SORCS2: variants seen among roughly 807,000 people sequenced by gnomAD.
SORCS2 encodes sortilin related VPS10 domain containing receptor 2.
SORCS2 carries 100 observed loss-of-function variants against 141.6 expected under a neutral mutation model. The observed-to-expected ratio is 0.71, with a 90% CI of 0.60 to 0.83. The LOEUF (loss-of-function observed/expected upper bound fraction) is 0.83. Ranked by LOEUF, SORCS2 falls within the 40% of genes least tolerant of loss-of-function variation. SORCS2 has a pLI of 0.00. For missense variants in SORCS2, 1,646 were observed against 1,560.2 expected, an observed-to-expected ratio of 1.05 and a Z score of -0.93; for synonymous variants, 789 against 676.9, an observed-to-expected ratio of 1.17 and a Z score of -2.57.
chr4:7,524,595 T>C (rs901602371), intron 2 of SORCS2, among the ~76,000 whole-genome samples: 40 of 151,974 alleles, frequency 2.6e-4, no homozygotes, highest in Admixed American at 2.0e-3. Flanking sequence ...GTTTTTTTTT[T>C]TTCATGTTCT....
chr4:7,554,096 C>A (rs1331260982), intron 3 of SORCS2, among the ~76,000 whole-genome samples: 1 of 41,274 alleles, frequency 2.4e-5, no homozygotes, highest in African/African-American at 6.7e-5. Flanking sequence ...AATGCAAGGC[C>A]AAAAAATCAT....
intron 2 of SORCS2, among the ~76,000 whole-genome samples, chr4:7,446,791 C>T (rs553580921): frequency 3.5e-4 from 53 of 152,322 alleles, no homozygotes; most frequent in African/African-American, 1.2e-3. Context: ...CGTGCAGTGT[C>T]GTGGGGAAAC....
rs188639725 is a variant in SORCS2 at position 7,654,307 on chromosome 4, C to T, written c.887+100C>T. 609 of 1,212,928 alleles carry T rather than the reference C, an allele frequency of 5.0e-4. 1 individual carries two copies. Among genetic ancestry groups the T allele is most frequent in the Non-Finnish European group, 6.1e-4 (515 of 851,088 alleles). 75.1% of individuals were successfully genotyped at this position (1,212,928 alleles called of 1,614,324 possible). On this transcript the variant is annotated intron_variant, in intron 5 of 26. Transcript: ENST00000507866. Reference sequence around the variant, plus strand: ...GCCCATCCCTGCAGCTCCCTTTCCTCCTCTGGACCCTCCCCATCCCGGGGC... The same window carrying T: ...GCCCATCCCTGCAGCTCCCTTTCCTTCTCTGGACCCTCCCCATCCCGGGGC...
intron 8 of SORCS2, among the ~76,000 whole-genome samples, chr4:7,668,866 G>A (rs1722646314): frequency 2.6e-5 from 4 of 151,950 alleles, no homozygotes; most frequent in Admixed American, 2.0e-4. Flanking sequence ...TAGGGGAGAG[G>A]AAAGTGCACA....
rs1454772090 is a variant in SORCS2 at position 7,733,343 on chromosome 4, G to A, written c.3130G>A (p.Val1044Met). The change falls in exon 24 of 27, where the codon GTG (valine) becomes ATG (methionine). Residue 1044 changes from valine to methionine, a missense_variant. Transcript: ENST00000507866. ...GCAGAGGCTCGCCGCCATCCAGCAG[G>A]TGCTGAACGCACAGAAGATCAGCTT... ...SDKRLAAIQQ[V>M]LNAQKISFLL... The A allele has an allele frequency of 1.9e-6, 3 of 1,563,472 alleles. No homozygotes were observed. Among genetic ancestry groups the A allele is most frequent in the South Asian group, 1.2e-5 (1 of 84,330 alleles).
In SORCS2 at chr4:7,740,374, C is replaced by T. The variant is rs927193208; in HGVS notation, c.*110C>T. On this transcript the variant is annotated 3_prime_UTR_variant, in exon 27 of 27. Transcript: ENST00000507866. The stretch of plus-strand genomic sequence containing the variant: ...CCTGCGGAAAGCCCCCTCCCTGAGT[C>T]GTCGCCACACCAGGCGACAGGCACC... 6.6e-5 allele frequency: 65 copies of T among 979,682 alleles called. No homozygotes were observed. Among genetic ancestry groups the T allele is most frequent in the African/African-American group, 5.6e-4 (35 of 62,008 alleles). 60.7% of individuals were successfully genotyped at this position (979,682 alleles called of 1,614,324 possible). A position where few individuals can be genotyped will look rare whatever the true frequency, so the allele number is the denominator to read the frequency against.
rs1201775745 is a variant in SORCS2 at position 7,192,935 on chromosome 4, AGTCCCGGTCCCGCTCCTG to A, written c.297_314del (p.Pro100_Gly105del). ...CACGGAGCCAGGCGCCCCGGGTCCG[AGTCCCGGTCCCGCTCCTG>A]GTCCCGGCGAGGACGGCGCCCCCGC... is the stretch of plus-strand genomic sequence containing the variant. On this transcript the variant is annotated inframe_deletion, in exon 1 of 27. Transcript: ENST00000507866. This position sits in a 1 kb window ranked among gnomAD's most constrained non-coding sequence, Gnocchi z 4.0. 7.8e-7 allele frequency: 1 copy of A among 1,275,530 alleles called. No homozygotes were observed. The highest frequency in any genetic ancestry group is 1.6e-5 in the African/African-American group (1 of 63,588). 79.0% of individuals were successfully genotyped at this position (1,275,530 alleles called of 1,614,324 possible). A position where few individuals can be genotyped will look rare whatever the true frequency, so the allele number is the denominator to read the frequency against.
At chr4:7,671,608 C>T (rs1036065131) in intron 8 of SORCS2, among the ~76,000 whole-genome samples, 3 of 152,008 alleles carry the variant, frequency 2.0e-5, no homozygotes, top group Admixed American at 6.6e-5. Context: ...AATTGAAAGG[C>T]AGAAGAAGGA....
intron 3 of SORCS2, among the ~76,000 whole-genome samples, chr4:7,601,196 A>G (rs1486030580): frequency 6.6e-6 from 1 of 152,200 alleles, no homozygotes; most frequent in Non-Finnish European, 1.5e-5. Context: ...TTCCTCTTAA[A>G]TAATGCAAAG....
intron 3 of SORCS2, among the ~76,000 whole-genome samples, chr4:7,577,914 A>G (rs1458880933): frequency 2.0e-5 from 3 of 149,880 alleles, no homozygotes; most frequent in Non-Finnish European, 4.4e-5. Flanking sequence ...ATACAGGCGA[A>G]GTCAGCTAGT....
chr4:7,223,069 T>C (rs748105621), intron 1 of SORCS2, among the ~76,000 whole-genome samples: 4 of 152,174 alleles, frequency 2.6e-5, no homozygotes, highest in Non-Finnish European at 4.4e-5. Flanking sequence ...AAGATTTGTA[T>C]TGTATTAAAA....
At chr4:7,228,292 T>C (rs924724666) in intron 1 of SORCS2, among the ~76,000 whole-genome samples, 1 of 147,496 alleles carries the variant, frequency 6.8e-6, no homozygotes, top group Non-Finnish European at 1.5e-5. Context: ...TTAAAGGTCC[T>C]GTCTCCAAAT....
Position 7,363,164 on chromosome 4 carries a change from T to C in SORCS2, c.481-33124T>C, listed in dbSNP as rs572876486. 6.9e-4 allele frequency among the ~76,000 whole-genome samples: 96 copies of C among 138,630 alleles called. 1 individual carries two copies. The highest frequency in any genetic ancestry group is 2.3e-3 in the African/African-American group (82 of 36,294). The allele number at this position is 138,630 out of a possible 152,430, so 90.9% of individuals were successfully genotyped here. On this transcript the variant is annotated intron_variant, in intron 1 of 26. Transcript: ENST00000507866. ...TCACCATCAACACTGCCACCACCAC[T>C]ACCACCATTACTACCCTCATCACCA...
At chr4:7,433,252 G>C in intron 2 of SORCS2, 1 of 1,316,746 alleles carries the variant, frequency 7.6e-7, no homozygotes, top group Non-Finnish European at 9.7e-7. Context: ...GTGAAATGGG[G>C]ATGGGGAAAG....
intron 1 of SORCS2, among the ~76,000 whole-genome samples, chr4:7,357,037 C>T (rs1031814247): frequency 6.6e-6 from 1 of 152,206 alleles, no homozygotes; most frequent in Non-Finnish European, 1.5e-5. Flanking sequence ...CGGTGGGCTG[C>T]AGGGAGGGGC....
intron 2 of SORCS2, among the ~76,000 whole-genome samples, chr4:7,449,864 G>A (rs1728329753): frequency 5.3e-5 from 8 of 152,198 alleles, no homozygotes; most frequent in Admixed American, 5.2e-4. Context: ...CTCCCAGAGA[G>A]GTTCATGAGG....
At position 7,456,483 on chromosome 4, in the gene SORCS2, G is replaced by A. The variant is rs547240165; in HGVS notation, c.548+60128G>A. ...CCCATAAGCCTGAAGGGTGAGAGGG[G>A]GGGGGCCTCCTTTTGAGGACAGAAA... On this transcript the variant is annotated intron_variant, in intron 2 of 26. Coordinates refer to ENST00000507866, the MANE Select transcript of SORCS2 (RefSeq NM_020777.3). Among the ~76,000 whole-genome samples, 11 of 152,202 alleles carry A rather than the reference G, an allele frequency of 7.2e-5. No homozygotes were observed. In the South Asian group the frequency reaches 2.1e-3, roughly 29 times the overall value.
At chr4:7,636,758 C>T (rs967203710) in intron 3 of SORCS2, among the ~76,000 whole-genome samples, 3 of 152,162 alleles carry the variant, frequency 2.0e-5, no homozygotes, top group Middle Eastern at 6.8e-3. Flanking sequence ...CCGAATAACA[C>T]GATTCCCGGT....
intron 1 of SORCS2, among the ~76,000 whole-genome samples, chr4:7,265,092 C>T (rs182161089): frequency 2.3e-3 from 346 of 152,326 alleles, no homozygotes; most frequent in African/African-American, 7.6e-3. Context: ...CTGCTCCATT[C>T]GGGGGTGTGT....
Sources: gnomAD v4.1 joint callset for allele counts (sites outside exome capture counted in the v4.1 genomes callset) on GRCh38, gnomAD v4.1.1 for gene constraint, Gnocchi (gnomAD v3.1) non-coding constraint, MANE v1.5 for transcripts, NCBI Gene and HGNC (gene_info 2026-07-23, HGNC 2026-07-21) for gene names.